GNG4: variants seen among roughly 807,000 people sequenced by gnomAD.
GNG4 encodes the protein guanine nucleotide-binding protein G(I)/G(S)/G(O) subunit gamma-4.
In GNG4, 4 loss-of-function variants were observed where a neutral mutation model predicts 5.8. That is an observed-to-expected ratio of 0.69 (90% CI 0.34 to 1.57). The LOEUF is 1.57. Among genes scored for constraint, GNG4 ranks in the 40% most tolerant of loss-of-function variants. The pLI, the probability that GNG4 is intolerant of heterozygous loss-of-function variation, is 0.06. For synonymous variants in GNG4, 29 were observed against 32.9 expected (o/e 0.88, Z 0.41); for missense variants, 96 against 95.1 (o/e 1.01, Z -0.04).
At chr1:235,599,658 T>C (rs1335637492) in intron 1 of GNG4, among the ~76,000 whole-genome samples, 1 of 152,010 alleles carries the variant, frequency 6.6e-6, no homozygotes, top group Non-Finnish European at 1.5e-5. Flanking sequence ...TACGTTAGAG[T>C]TTGAAAAGTT....
chr1:235,626,851 T>C (rs1307883499), intron 1 of GNG4, among the ~76,000 whole-genome samples: 13 of 150,996 alleles, frequency 8.6e-5, no homozygotes, highest in Non-Finnish European at 3.0e-5. Flanking sequence ...CCCAGCTACT[T>C]GGGAGGCTGA....
At chr1:235,587,641 G>C (rs796408214) in intron 2 of GNG4, among the ~76,000 whole-genome samples, 1 of 6,552 alleles carries the variant, frequency 1.5e-4, no homozygotes, top group Non-Finnish European at 2.9e-4. Context: ...TGGAGTGTGA[G>C]TGTGGGAGGG....
intron 2 of GNG4, among the ~76,000 whole-genome samples, chr1:235,593,373 C>A (rs191887472): frequency 4.8e-4 from 73 of 152,322 alleles, no homozygotes; most frequent in African/African-American, 1.7e-3. Context: ...TGACTCACGG[C>A]ACAGTACTTA....
intron 3 of GNG4, among the ~76,000 whole-genome samples, chr1:235,555,021 G>A (rs535155388): frequency 6.6e-5 from 10 of 152,210 alleles, no homozygotes; most frequent in African/African-American, 2.4e-4. Flanking sequence ...CTACCCTTTA[G>A]CTAATTCAGA....
intron 1 of GNG4, among the ~76,000 whole-genome samples, chr1:235,640,028 G>T (rs999273904): frequency 7.9e-5 from 12 of 152,194 alleles, no homozygotes; most frequent in African/African-American, 2.9e-4. Context: ...CAGTGAGGGG[G>T]TCTCTAGGTG....
rs1558507249 is a variant in GNG4 at position 235,642,349 on chromosome 1, G to A, written c.-123+7313C>T. Among the ~76,000 whole-genome samples, 5 of 152,204 alleles carry A rather than the reference G, an allele frequency of 3.3e-5. No homozygotes were observed. The highest frequency in any genetic ancestry group is 5.9e-5 in the Non-Finnish European group (4 of 68,034). The stretch of plus-strand genomic sequence containing the variant: ...GAAAAGAGTGACCGGGGGCAACTGA[G>A]CAAAACATAGAACAGAAACTCCCTC... On this transcript the variant is annotated intron_variant, in intron 1 of 3. Coordinates refer to ENST00000391854, the MANE Select transcript of GNG4 (RefSeq NM_001098722.2). This position sits in a 1 kb window ranked among gnomAD's most constrained non-coding sequence, Gnocchi z 4.3.
chr1:235,615,951 G>A (rs957136636), intron 1 of GNG4: 37 of 308,006 alleles, frequency 1.2e-4, no homozygotes, highest in African/African-American at 7.8e-4. Context: ...TCTGGCCTGG[G>A]TGATCACCCT....
At chr1:235,604,435 C>T (rs756271328) in intron 1 of GNG4, among the ~76,000 whole-genome samples, 2 of 152,228 alleles carry the variant, frequency 1.3e-5, no homozygotes, top group African/African-American at 2.4e-5. Flanking sequence ...CTCACAGCTC[C>T]GGAGGCTGGA....
chr1:235,559,550 T>C (rs888806934), intron 3 of GNG4, among the ~76,000 whole-genome samples: 21 of 152,214 alleles, frequency 1.4e-4, no homozygotes, highest in Admixed American at 6.5e-5. Flanking sequence ...GTACTATTCC[T>C]GGTCAGTGTG....
rs927227641 is a variant in GNG4 at position 235,570,550 on chromosome 1, T to C, written c.99+13190A>G. ...TAGCTGGGATTACAGGTGCCCGCCA[T>C]CATGCCCAGCTAATTTTTGTATCTT... is the stretch of plus-strand genomic sequence containing the variant. On this transcript the variant is annotated intron_variant, in intron 3 of 3. Transcript: ENST00000391854. 2.6e-5 allele frequency among the ~76,000 whole-genome samples: 4 copies of C among 151,622 alleles called. No individual in the cohort carries two copies. In the South Asian group the frequency reaches 6.3e-4, roughly 24 times the overall value.
intron 3 of GNG4, among the ~76,000 whole-genome samples, chr1:235,579,656 G>A (rs1250652616): frequency 6.6e-6 from 1 of 151,886 alleles, no homozygotes; most frequent in African/African-American, 2.4e-5. Context: ...TTCGAGACCA[G>A]CCTGGCCAAC....
chr1:235,630,251 C>A (rs1688904427), intron 1 of GNG4, among the ~76,000 whole-genome samples: 1 of 152,112 alleles, frequency 6.6e-6, no homozygotes, highest in Non-Finnish European at 1.5e-5. Context: ...GGCTGGTCAT[C>A]TTTCTTCAAG....
rs1227069071 is a variant in GNG4 at position 235,573,473 on chromosome 1, A to G, written c.99+10267T>C. Among the ~76,000 whole-genome samples the G allele has an allele frequency of 2.6e-5, 4 of 151,164 alleles. No individual in the cohort carries two copies. The East Asian group carries it at 7.7e-4, about 29-fold the overall frequency. On this transcript the variant is annotated intron_variant, in intron 3 of 3. Transcript: ENST00000391854. ...CATGTACCCTAGAACTTAAAGTATG[A>G]TAAAAAAAAAAATAGGACTCACGGC...
chr1:235,619,723 T>C (rs1688668358), intron 1 of GNG4, among the ~76,000 whole-genome samples: 1 of 152,264 alleles, frequency 6.6e-6, no homozygotes, highest in Non-Finnish European at 1.5e-5. Flanking sequence ...TCATCTTTTC[T>C]GTTTTATTTT....
At chr1:235,568,793 C>CTTTTTTTTTTTT (rs10625498) in intron 3 of GNG4, among the ~76,000 whole-genome samples, 1 of 144,580 alleles carries the variant, frequency 6.9e-6, no homozygotes. Context: ...TTTTTCTTTC[C>CTTTTTTTTTTTT]TTTTTTTTTT....
intron 3 of GNG4, among the ~76,000 whole-genome samples, chr1:235,555,586 G>C (rs1572607200): frequency 6.6e-6 from 1 of 151,760 alleles, no homozygotes; most frequent in Admixed American, 6.6e-5. Flanking sequence ...GGCTGAGGCA[G>C]GGACATCGCT....
At chr1:235,553,690 C>T (rs1686816553) in intron 3 of GNG4, among the ~76,000 whole-genome samples, 1 of 152,170 alleles carries the variant, frequency 6.6e-6, no homozygotes, top group South Asian at 2.1e-4. Context: ...TGAAGTTTAG[C>T]AGATGAGTTA....
intron 1 of GNG4, among the ~76,000 whole-genome samples, chr1:235,595,990 G>C (rs1688113115): frequency 6.7e-6 from 1 of 150,270 alleles, no homozygotes; most frequent in Non-Finnish European, 1.5e-5. Flanking sequence ...TTGGCTAACT[G>C]GGTGAAACCC....
intron 2 of GNG4, among the ~76,000 whole-genome samples, chr1:235,592,889 C>T (rs1487194626): frequency 6.6e-6 from 1 of 152,032 alleles, no homozygotes; most frequent in Non-Finnish European, 1.5e-5. Flanking sequence ...TGCAACACCT[C>T]GGTGTGGATA....
Sources: gnomAD v4.1 joint callset for allele counts (sites outside exome capture counted in the v4.1 genomes callset) on GRCh38, gnomAD v4.1.1 for gene constraint, Gnocchi (gnomAD v3.1) non-coding constraint, MANE v1.5 for transcripts, NCBI Gene and HGNC (gene_info 2026-07-23, HGNC 2026-07-21) for gene names.